The following DGKH variants were observed in gnomAD, a reference collection of about 807,000 sequenced individuals.
The protein encoded by DGKH is diacylglycerol kinase eta.
In DGKH, 90 loss-of-function variants were observed where a neutral mutation model predicts 159.3. The observed-to-expected ratio is 0.57, with a 90% CI of 0.48 to 0.67. The LOEUF (loss-of-function observed/expected upper bound fraction) is 0.67. Ranked by LOEUF, DGKH falls within the 30% of genes least tolerant of loss-of-function variation. The pLI is 0.00. For missense variants in DGKH, 1,181 were observed against 1,506.1 expected, an observed-to-expected ratio of 0.78 and a Z score of 3.57; for synonymous variants, 536 against 553.8, an observed-to-expected ratio of 0.97 and a Z score of 0.45.
intron 3 of DGKH, chr13:42,140,687 G>C (rs1180191113): frequency 6.6e-6 from 1 of 152,126 alleles, no homozygotes; most frequent in Non-Finnish European, 1.5e-5. Context: ...AAGGGCAATG[G>C]AATTTACCTA....
chr13:42,093,859 G>A (rs1041261362), intron 1 of DGKH, among the ~76,000 whole-genome samples: 5 of 152,154 alleles, frequency 3.3e-5, no homozygotes, highest in African/African-American at 9.7e-5. Flanking sequence ...GCTGAGAAGC[G>A]GGGGAGTGGG....
intron 1 of DGKH, among the ~76,000 whole-genome samples, chr13:42,085,351 C>T (rs561411703): frequency 2.6e-5 from 4 of 152,286 alleles, no homozygotes; most frequent in African/African-American, 9.6e-5. Context: ...GCCGTCCTGC[C>T]TGTGAACCTC....
At chr13:42,082,438 C>G (rs1158153965) in intron 1 of DGKH, among the ~76,000 whole-genome samples, 5 of 151,940 alleles carry the variant, frequency 3.3e-5, no homozygotes, top group Non-Finnish European at 7.4e-5. Flanking sequence ...ATGTTGTTTG[C>G]CTTATTATCC....
rs143046761 is a variant in DGKH at position 42,122,018 on chromosome 13, G to A, written c.193-5445G>A. Among the ~76,000 whole-genome samples the A allele has an allele frequency of 1.3e-3, 204 of 152,174 alleles. 1 individual carries two copies. The highest frequency in any genetic ancestry group is 4.8e-3 in the African/African-American group (200 of 41,512). ...AGTCAGACTTTTCTTTCTGAGGTGC[G>A]GCATGAAAAATTTTCCCCACTACCC... On this transcript the variant is annotated intron_variant, in intron 1 of 29. Coordinates refer to ENST00000337343, the MANE Select transcript of DGKH (RefSeq NM_178009.5).
At chr13:42,043,505 C>T (rs1880635347) in intron 1 of DGKH, among the ~76,000 whole-genome samples, 1 of 151,754 alleles carries the variant, frequency 6.6e-6, no homozygotes, top group South Asian at 2.1e-4. Context: ...ATGCTGGGCT[C>T]ATTTTGGATT....
Position 42,134,760 on chromosome 13 carries a change from TG to T in DGKH, c.384+5131del, listed in dbSNP as rs1955365941. The stretch of plus-strand genomic sequence containing the variant: ...GCTCATGCCTGTAATCCCAGCACTT[TG>T]GGAGGCCCAGGCAGGTGGATCGCTT... On this transcript the variant is annotated intron_variant, in intron 3 of 29. Transcript: ENST00000337343. Among the ~76,000 whole-genome samples, 6 of 152,252 alleles carry T rather than the reference TG, an allele frequency of 3.9e-5. No homozygotes were observed. The South Asian group carries it at 1.2e-3, about 32-fold the overall frequency.
At chr13:42,144,998 T>C (rs1350130219) in intron 3 of DGKH, among the ~76,000 whole-genome samples, 2 of 152,246 alleles carry the variant, frequency 1.3e-5, no homozygotes, top group African/African-American at 4.8e-5. Context: ...ATGGCATTGA[T>C]TCTTGCGGTC....
chr13:42,042,483 G>C (rs539644543), intron 1 of DGKH, among the ~76,000 whole-genome samples: 1 of 152,252 alleles, frequency 6.6e-6, no homozygotes, highest in South Asian at 2.1e-4. Context: ...TAAAACTAGA[G>C]CCCTAACATA....
intron 17 of DGKH, 148 bp downstream of exon 17, chr13:42,195,164 C>G: frequency 8.7e-7 from 1 of 1,143,120 alleles, no homozygotes; most frequent in South Asian, 1.7e-5. Flanking sequence ...GAATCCAGGC[C>G]CTTAGATTCT....
At position 42,241,596 on chromosome 13, in the gene DGKH, G is replaced by A. The variant is rs1406768244; in HGVS notation, c.*12408G>A. On this transcript the variant is annotated 3_prime_UTR_variant, in exon 30 of 30. Transcript: ENST00000337343. ...TTTTGGGAAGGCATATATGCCTTTT[G>A]ATGACACACACACCAAAATATATAA... 1.3e-5 allele frequency: 2 copies of A among 152,154 alleles called. No homozygotes were observed. Among genetic ancestry groups the A allele is most frequent in the African/African-American group, 4.8e-5 (2 of 41,442 alleles). The allele number at this position is 152,154 out of a possible 1,614,324, so 9.4% of individuals were successfully genotyped here. A position where few individuals can be genotyped will look rare whatever the true frequency, so the allele number is the denominator to read the frequency against.
rs1958457332 is a variant in DGKH, at chr13:42,238,283, A to C, written c.*9095A>C. 6.6e-6 allele frequency: 1 copy of C among 152,200 alleles called. No individual in the cohort carries two copies. The highest frequency in any genetic ancestry group is 1.5e-5 in the Non-Finnish European group (1 of 68,022). 9.4% of individuals were successfully genotyped at this position (152,200 alleles called of 1,614,324 possible). On this transcript the variant is annotated 3_prime_UTR_variant, in exon 30 of 30. Transcript: ENST00000337343. The stretch of plus-strand genomic sequence containing the variant: ...GTTCAAATTGATATCCCTGATGTTT[A>C]ATTTAAAAATGAAAGTAAAGTTAAA...
At chr13:42,151,539 ATATATACACGTGTATATATG>A in intron 3 of DGKH, among the ~76,000 whole-genome samples, 1 of 137,350 alleles carries the variant, frequency 7.3e-6, no homozygotes, top group East Asian at 2.4e-4. Flanking sequence ...GTGTATATAT[ATATATACACGTGTATATATG>A]TAGTTTCACT....
At position 42,155,776 on chromosome 13, in the gene DGKH, C is replaced by T; in HGVS notation, c.599C>T (p.Thr200Ile). 1 of 1,614,092 alleles carries T rather than the reference C, an allele frequency of 6.2e-7. No individual in the cohort carries two copies. Among genetic ancestry groups the T allele is most frequent in the Non-Finnish European group, 8.5e-7 (1 of 1,179,996 alleles). ...TGCAGAGAGAGTCTTTCTGGAGTCA[C>T]CTCCCATGGCCTGTCCTGCGAAGGT... ...NVCRESLSGVTSHGLSCEVCK... is the reference protein window; with the variant it reads ...NVCRESLSGVISHGLSCEVCK... The change falls in exon 5 of 30, where the codon ACC (threonine) becomes ATC (isoleucine). Residue 200 changes from threonine to isoleucine, a missense_variant. By Grantham distance (89) the Thr-to-Ile change is moderately conservative. Coordinates refer to ENST00000337343, the MANE Select transcript of DGKH (RefSeq NM_178009.5).
intron 18 of DGKH, 97 bp downstream of exon 18, chr13:42,198,692 A>T: frequency 5.7e-6 from 6 of 1,045,292 alleles, no homozygotes. Context: ...TACAATAAAT[A>T]TGGTCCCATG....
downstream of DGKH, among the ~76,000 whole-genome samples, chr13:42,244,037 T>C (rs1958556279): frequency 7.4e-6 from 1 of 135,746 alleles, no homozygotes; most frequent in Admixed American, 7.1e-5. Flanking sequence ...TACTTGAGAT[T>C]GGCTGTGGAT....
intron 3 of DGKH, among the ~76,000 whole-genome samples, chr13:42,133,005 A>G (rs951962204): frequency 1.3e-5 from 2 of 151,412 alleles, no homozygotes; most frequent in Admixed American, 1.3e-4. Context: ...CGTCTTTACT[A>G]AAAAAAATAC....
At chr13:42,054,885 A>G (rs951517766) in intron 1 of DGKH, among the ~76,000 whole-genome samples, 2 of 149,806 alleles carry the variant, frequency 1.3e-5, no homozygotes, top group African/African-American at 4.8e-5. Flanking sequence ...ATACCTTAGT[A>G]AAGAAAAAGA....
At chr13:42,118,244 T>C (rs1176215129) in intron 1 of DGKH, among the ~76,000 whole-genome samples, 1 of 152,152 alleles carries the variant, frequency 6.6e-6, no homozygotes, top group Non-Finnish European at 1.5e-5. Flanking sequence ...CAGCCTGTGT[T>C]TCTTGTTTAC....
intron 1 of DGKH, among the ~76,000 whole-genome samples, chr13:42,119,693 A>G (rs976002920): frequency 6.6e-5 from 10 of 152,338 alleles, no homozygotes; most frequent in African/African-American, 2.2e-4. Flanking sequence ...TATAACAAAA[A>G]TTTTATAACA....
Sources: gnomAD v4.1 joint callset for allele counts (sites outside exome capture counted in the v4.1 genomes callset) on GRCh38, gnomAD v4.1.1 for gene constraint, MANE v1.5 for transcripts, NCBI Gene and HGNC (gene_info 2026-07-23, HGNC 2026-07-21) for gene names.